The following CADPS variants were observed in gnomAD, a reference collection of about 807,000 sequenced individuals.
CADPS encodes the protein calcium dependent secretion activator.
A neutral mutation model predicts 167.3 loss-of-function variants in CADPS; 57 were observed. That is an observed-to-expected ratio of 0.34 (90% confidence interval 0.28 to 0.42). The LOEUF (loss-of-function observed/expected upper bound fraction) is 0.42, where lower values mean the gene tolerates loss of function less well. Ranked by LOEUF, CADPS falls within the 20% of genes least tolerant of loss-of-function variation. CADPS has a pLI of 1.00. For missense variants in CADPS, 1,414 were observed against 1,738.1 expected, an observed-to-expected ratio of 0.81 and a Z score of 3.32; for synonymous variants, 676 against 635.3, an observed-to-expected ratio of 1.06 and a Z score of -0.96.
At chr3:62,816,908 C>T (rs1029517406) in intron 1 of CADPS, among the ~76,000 whole-genome samples, 1 of 152,078 alleles carries the variant, frequency 6.6e-6, no homozygotes, top group African/African-American at 2.4e-5. Flanking sequence ...GGTTTTCCTC[C>T]TCCTCCTCAT....
intron 3 of CADPS, among the ~76,000 whole-genome samples, chr3:62,749,892 G>A (rs952568818): frequency 3.3e-5 from 5 of 152,198 alleles, no homozygotes; most frequent in African/African-American, 4.8e-5. Context: ...TACTGCCACC[G>A]TGTCTTCTGC....
intron 1 of CADPS, among the ~76,000 whole-genome samples, chr3:62,787,959 G>A (rs2092613226): frequency 6.6e-6 from 1 of 152,144 alleles, no homozygotes. Flanking sequence ...TCTAGTCACA[G>A]TCATTCATGT....
chr3:62,745,355 G>A (rs953992235), intron 3 of CADPS, among the ~76,000 whole-genome samples: 3 of 152,152 alleles, frequency 2.0e-5, no homozygotes, highest in African/African-American at 7.2e-5. Flanking sequence ...TTACAGACGT[G>A]AGCCACTACA....
chr3:62,674,822 C>T lies in CADPS; in HGVS notation c.889-12428G>A, dbSNP rs12635758. Among the ~76,000 whole-genome samples the T allele has an allele frequency of 5.3e-5, 8 of 152,234 alleles. No individual in the cohort carries two copies. In the East Asian group the frequency reaches 1.5e-3, roughly 29 times the overall value. ...GTTGGACTATATAGATGCCTACTCT[C>T]ACTATATTCAAGAAGTTGGAAGTAG... is the stretch of plus-strand genomic sequence containing the variant. On this transcript the variant is annotated intron_variant, in intron 3 of 29. Transcript: ENST00000383710.
intron 1 of CADPS, among the ~76,000 whole-genome samples, chr3:62,868,920 T>C (rs2082161960): frequency 6.6e-6 from 1 of 152,122 alleles, no homozygotes; most frequent in African/African-American, 2.4e-5. Flanking sequence ...ATTTAGAAAT[T>C]ATCCCAGAGT....
At chr3:62,492,982 A>T (rs1043936883) in intron 19 of CADPS, among the ~76,000 whole-genome samples, 9 of 152,360 alleles carry the variant, frequency 5.9e-5, no homozygotes, top group Non-Finnish European at 1.5e-5. Flanking sequence ...AGTCAAAGAA[A>T]ACCATTGTTG....
At chr3:62,400,081 C>T (rs764375144) in intron 29 of CADPS, among the ~76,000 whole-genome samples, 1 of 152,190 alleles carries the variant, frequency 6.6e-6, no homozygotes, top group Non-Finnish European at 1.5e-5. Context: ...ATAAGACAGA[C>T]ATATGTATGT....
At chr3:62,653,324 C>A (rs1045472300) in intron 4 of CADPS, among the ~76,000 whole-genome samples, 28 of 152,062 alleles carry the variant, frequency 1.8e-4, no homozygotes, top group African/African-American at 6.0e-4. Context: ...TTTGTTCCTG[C>A]CAGCATGTGA....
At chr3:62,432,430 T>C (rs1191848520) in intron 28 of CADPS, among the ~76,000 whole-genome samples, 1 of 152,172 alleles carries the variant, frequency 6.6e-6, no homozygotes, top group African/African-American at 2.4e-5. Context: ...TTCAGGAAGA[T>C]GTTTTACCAA....
chr3:62,519,730 C>G (rs1310961362), intron 13 of CADPS, among the ~76,000 whole-genome samples: 1 of 152,274 alleles, frequency 6.6e-6, no homozygotes, highest in East Asian at 1.9e-4. Flanking sequence ...AGTGATTCTT[C>G]TGCCTCAGCC....
chr3:62,423,055 A>C (rs1224301547), intron 28 of CADPS, among the ~76,000 whole-genome samples: 1 of 152,206 alleles, frequency 6.6e-6, no homozygotes, highest in Non-Finnish European at 1.5e-5. Flanking sequence ...GAAAGCTGAG[A>C]CCTACCCCTT....
At chr3:62,737,136 T>TA (rs1251717122) in intron 3 of CADPS, among the ~76,000 whole-genome samples, 1 of 151,662 alleles carries the variant, frequency 6.6e-6, no homozygotes, top group Non-Finnish European at 1.5e-5. Context: ...AGACTCCATC[T>TA]AAAAAAATAA....
At chr3:62,769,278 C>G (rs1278768771) in intron 1 of CADPS, among the ~76,000 whole-genome samples, 2 of 151,632 alleles carry the variant, frequency 1.3e-5, no homozygotes, top group African/African-American at 4.9e-5. Flanking sequence ...GTTGCCCAGG[C>G]TGGAGTGCAG....
At chr3:62,801,806 G>A (rs1559689903) in intron 1 of CADPS, among the ~76,000 whole-genome samples, 1 of 26,772 alleles carries the variant, frequency 3.7e-5, no homozygotes, top group Non-Finnish European at 2.6e-4. Context: ...TCACACATGA[G>A]GGAGGTGAAG....
intron 3 of CADPS, among the ~76,000 whole-genome samples, chr3:62,742,506 G>A (rs1438621455): frequency 6.6e-6 from 1 of 152,108 alleles, no homozygotes; most frequent in Non-Finnish European, 1.5e-5. Flanking sequence ...CCACAAACCC[G>A]ACAAAAAGAA....
chr3:62,483,728 T>C (rs1264585446), intron 21 of CADPS, among the ~76,000 whole-genome samples: 1 of 152,176 alleles, frequency 6.6e-6, no homozygotes, highest in Non-Finnish European at 1.5e-5. Context: ...TCTGTTTAAA[T>C]GGGGAATTTG....
chr3:62,551,791 G>A (rs1197119891), intron 10 of CADPS, among the ~76,000 whole-genome samples: 1 of 152,034 alleles, frequency 6.6e-6, no homozygotes, highest in Non-Finnish European at 1.5e-5. Flanking sequence ...TTTTCTCTGT[G>A]CCTGGAGCAC....
chr3:62,874,743 A>C lies in CADPS; in HGVS notation c.287T>G (p.Val96Gly). The change falls in exon 1 of 30, where the codon GTG becomes GGG. Residue 96 changes from valine (V) to glycine (G), a missense_variant. By Grantham distance (109) the Val-to-Gly change is moderately radical. Transcript: ENST00000383710. This position sits in a 1 kb window ranked among gnomAD's most constrained non-coding sequence, Gnocchi z 7.1. ...CTCTTCCTTCTCCTTCTCGCTCACC[A>C]CCGACGGGCTGGGGCTGGAGGGCCG... ...GGRPSSPSPSVVSEKEKEELE... is the reference protein window; with the variant it reads ...GGRPSSPSPSGVSEKEKEELE... 6.6e-7 allele frequency: 1 copy of C among 1,505,102 alleles called. No homozygotes were observed. Among genetic ancestry groups the C allele is most frequent in the Non-Finnish European group, 9.0e-7 (1 of 1,108,118 alleles). The allele number at this position is 1,505,102 out of a possible 1,614,324, so 93.2% of individuals were successfully genotyped here.
At chr3:62,505,605 C>T (rs1044470708) in intron 17 of CADPS, among the ~76,000 whole-genome samples, 7 of 152,202 alleles carry the variant, frequency 4.6e-5, no homozygotes, top group African/African-American at 1.7e-4. Flanking sequence ...AGAGTGATCT[C>T]TGTTAAGCAC....
Sources: gnomAD v4.1 joint callset for allele counts (sites outside exome capture counted in the v4.1 genomes callset) on GRCh38, gnomAD v4.1.1 for gene constraint, Gnocchi (gnomAD v3.1) non-coding constraint, MANE v1.5 for transcripts, NCBI Gene and HGNC (gene_info 2026-07-23, HGNC 2026-07-21) for gene names.